ZNF596: variants seen among roughly 807,000 people sequenced by gnomAD.
ZNF596 encodes the protein zinc finger protein 596.
Under a neutral mutation model 48.3 loss-of-function variants are expected in ZNF596, and 45 were observed. The ratio of observed to expected loss-of-function variants is 0.93; its 90% CI spans 0.73 to 1.19. ZNF596 has a LOEUF of 1.19. Among genes scored for constraint, ZNF596 ranks in the 50% most tolerant of loss-of-function variants. The probability of loss-of-function intolerance (pLI) is 0.00; values close to 1 mark genes in which losing one functional copy is unlikely to be tolerated. For missense variants in ZNF596, 848 were observed against 599.7 expected, an observed-to-expected ratio of 1.41 and a Z score of -4.32; for synonymous variants, 270 against 202.0, an observed-to-expected ratio of 1.34 and a Z score of -2.85.
At chr8:245,073 T>C in intron 5 of ZNF596, 81 bp from the exon 6 acceptor site, 2 of 1,453,474 alleles carry the variant, frequency 1.4e-6, no homozygotes, top group Admixed American at 2.3e-5. Context: ...TATTCTAGAA[T>C]TAATATGTAG....
At chr8:237,514 A>G (rs996510284) in intron 1 of ZNF596, 4 of 152,200 alleles carry the variant, frequency 2.6e-5, no homozygotes, top group East Asian at 1.9e-4. Context: ...TCATGAATGT[A>G]ATTGGAATAC....
At chr8:234,049 A>T (rs1796530339) in intron 1 of ZNF596, among the ~76,000 whole-genome samples, 1 of 152,132 alleles carries the variant, frequency 6.6e-6, no homozygotes, top group African/African-American at 2.4e-5. Context: ...TAAAGTAAGC[A>T]CACAACAAAG....
In ZNF596 at chr8:245,860, A is replaced by G; in HGVS notation, c.1013A>G (p.His338Arg). The change falls in exon 6 of 6, where the codon CAT (histidine) becomes CGT (arginine). Residue 338 changes from histidine (H) to arginine (R), a missense_variant. By Grantham distance (29) the His-to-Arg change is conservative. Transcript: ENST00000398612. The part of the protein sequence containing the change: ...THNGEKPYEC[H>R]LCGKAFSHCS... ...AATGGAGAGAAACCATATGAATGTC[A>G]TCTATGTGGAAAAGCCTTCTCTCAT... 5 of 1,614,092 alleles carry G rather than the reference A, an allele frequency of 3.1e-6. No homozygotes were observed. Among genetic ancestry groups the G allele is most frequent in the South Asian group, 1.1e-5 (1 of 91,070 alleles).
Position 240,792 on chromosome 8 carries a change from GTTTTTTTGTTTT to G in ZNF596, c.-72-30_-72-19del. ...TTAGAAGCAAAACTGGAGTGTCATG[GTTTTTTTGTTTT>G]TGTTTTTGTTTTTGCTCAGATTTGT... is the stretch of plus-strand genomic sequence containing the variant. On this transcript the variant is annotated intron_variant, in intron 1 of 5. Transcript: ENST00000398612. 8 of 1,466,448 alleles carry G rather than the reference GTTTTTTTGTTTT, an allele frequency of 5.5e-6. No homozygotes were observed. Among genetic ancestry groups the G allele is most frequent in the Non-Finnish European group, 7.6e-6 (8 of 1,047,076 alleles). The allele number at this position is 1,466,448 out of a possible 1,614,324, so 90.8% of individuals were successfully genotyped here.
At chr8:233,477 AATG>A (rs1350713606) in intron 1 of ZNF596, 3 of 248,422 alleles carry the variant, frequency 1.2e-5, no homozygotes, top group African/African-American at 7.0e-5. Context: ...TCGTAAGGAT[AATG>A]ATGATTTGAG....
chr8:234,081 G>A (rs141123694), intron 1 of ZNF596, among the ~76,000 whole-genome samples: 1 of 152,180 alleles, frequency 6.6e-6, no homozygotes, highest in African/African-American at 2.4e-5. Context: ...ATGAGGAGGA[G>A]GTGTTGGTTC....
At chr8:239,510 A>C (rs773049067) in intron 1 of ZNF596, among the ~76,000 whole-genome samples, 33 of 152,296 alleles carry the variant, frequency 2.2e-4, no homozygotes, top group Non-Finnish European at 2.9e-4. Context: ...ACTCCTTTTT[A>C]TGTTAGATTC....
intron 1 of ZNF596, chr8:234,911 G>A (rs910307717): frequency 1.3e-5 from 2 of 152,144 alleles, no homozygotes; most frequent in Admixed American, 1.3e-4. Context: ...ACCATGATTA[G>A]AGAAACTGTG....
chr8:238,392 C>T (rs918225269), intron 1 of ZNF596, among the ~76,000 whole-genome samples: 1 of 151,932 alleles, frequency 6.6e-6, no homozygotes, highest in African/African-American at 2.4e-5. Context: ...TACAGGGCAT[C>T]GTATAGCAAC....
rs779024498 is a variant in ZNF596, at chr8:245,194, TAGG to T, written c.350_352del (p.Gly117del). 8.7e-6 allele frequency: 14 copies of T among 1,608,562 alleles called. No homozygotes were observed. The highest frequency in any genetic ancestry group is 1.7e-4 in the Middle Eastern group (1 of 6,056). ...GAGGATCCTTTTCTATGCAATGACTTAGGAGAAGATTTCACTCAACATATAGCA... is the reference window on the plus strand; with the variant it reads ...GAGGATCCTTTTCTATGCAATGACTTAGAAGATTTCACTCAACATATAGCA... On this transcript the variant is annotated inframe_deletion, in exon 6 of 6. Coordinates refer to ENST00000398612, the MANE Select transcript of ZNF596 (RefSeq NM_001042416.3).
In ZNF596 at chr8:245,694, C is replaced by A; in HGVS notation, c.847C>A (p.Leu283Ile). 2 of 1,614,044 alleles carry A rather than the reference C, an allele frequency of 1.2e-6. No individual in the cohort carries two copies. Among genetic ancestry groups the A allele is most frequent in the South Asian group, 1.1e-5 (1 of 91,068 alleles). The change falls in exon 6 of 6, where the codon CTA becomes ATA. Residue 283 changes from leucine (L) to isoleucine (I), a missense_variant. Transcript: ENST00000398612. ...TAGAGAAAAAGCACAGATATGCCAT[C>A]TATGTGGGAAAGCCTTCACTCATTG... is the stretch of plus-strand genomic sequence containing the variant. ...HTREKAQICH[L>I]CGKAFTHCSD...
At chr8:236,305 G>C (rs1397686265) in intron 1 of ZNF596, among the ~76,000 whole-genome samples, 1 of 151,272 alleles carries the variant, frequency 6.6e-6, no homozygotes, top group African/African-American at 2.5e-5. Flanking sequence ...ATTCTTATTA[G>C]TATTGATAAT....
chr8:244,296 G>A (rs1420722667), intron 4 of ZNF596: 1 of 286,820 alleles, frequency 3.5e-6, no homozygotes, highest in African/African-American at 2.3e-5. Context: ...TTTTATTCAA[G>A]TATCTCTCTG....
At chr8:232,179 A>G (rs566527340), upstream of ZNF596, 31 of 152,948 alleles carry the variant, frequency 2.0e-4, no homozygotes, top group Admixed American at 2.0e-3. Flanking sequence ...CACCGAACGC[A>G]CTCCAACAGA....
chr8:243,574 G>A (rs892197170), intron 3 of ZNF596, 148 bp from the exon 4 acceptor site: 4 of 630,874 alleles, frequency 6.3e-6, no homozygotes, highest in Non-Finnish European at 1.1e-5. Flanking sequence ...TGCTCGTGAA[G>A]GACTGTCAAT....
intron 5 of ZNF596, 64 bp from the exon 6 acceptor site, chr8:245,090 G>C: frequency 6.7e-7 from 1 of 1,496,706 alleles, no homozygotes; most frequent in East Asian, 2.3e-5. Context: ...GTAGAGAAAT[G>C]AATGAAGTAA....
intron 5 of ZNF596, 37 bp from the exon 6 acceptor site, chr8:245,117 A>C (rs1314035906): frequency 4.6e-6 from 7 of 1,531,176 alleles, no homozygotes; most frequent in Middle Eastern, 3.6e-4. Context: ...AGTGTGGATA[A>C]ACCTTTAATA....
intron 5 of ZNF596, among the ~76,000 whole-genome samples, 192 bp from the exon 6 acceptor site, chr8:244,962 G>A (rs984004051): frequency 6.6e-6 from 1 of 152,202 alleles, no homozygotes; most frequent in African/African-American, 2.4e-5. Context: ...CTTCAGTTGG[G>A]ATGCTACAAC....
intron 3 of ZNF596, chr8:243,252 T>G (rs1796926702): frequency 2.7e-6 from 1 of 363,648 alleles, no homozygotes; most frequent in African/African-American, 2.1e-5. Context: ...TTTCACATCC[T>G]TCTTGCTCTT....
Sources: allele counts gnomAD v4.1 joint callset (sites outside exome capture counted in the v4.1 genomes callset), GRCh38; gene constraint gnomAD v4.1.1; transcripts MANE v1.5; gene names NCBI Gene and HGNC (gene_info 2026-07-23, HGNC 2026-07-21).